Variants in POLA1 observed in about 807,000 individuals in gnomAD.
POLA1 encodes the protein DNA polymerase alpha 1, catalytic subunit, also known as DNA polymerase alpha catalytic subunit.
Under a neutral mutation model 124.0 loss-of-function variants are expected in POLA1, and 15 were observed. The ratio of observed to expected loss-of-function variants is 0.12; its 90% CI spans 0.08 to 0.19. The LOEUF (loss-of-function observed/expected upper bound fraction) is 0.19. Among genes scored for constraint, POLA1 ranks in the 10% least tolerant of loss-of-function variants. The pLI is 1.00. For synonymous variants in POLA1, 408 were observed against 389.4 expected, an observed-to-expected ratio of 1.05 and a Z score of -0.56; for missense variants, 886 against 1,103.4, an observed-to-expected ratio of 0.80 and a Z score of 2.79.
At chrX:24,900,420 A>G (rs2047261842) in intron 35 of POLA1, among the ~76,000 whole-genome samples, 1 of 112,465 alleles carries the variant, frequency 8.9e-6, no homozygotes, top group South Asian at 3.7e-4. Flanking sequence ...AGACCTGGTT[A>G]ATACAAACAT....
rs150416044 is a variant in POLA1 at position 24,833,726 on chromosome X, A to G, written c.3736+7125A>G. Among the ~76,000 whole-genome samples the G allele has an allele frequency of 2.2e-3, 248 of 112,063 alleles. 2 individuals carry two copies. The highest frequency in any genetic ancestry group is 7.8e-3 in the African/African-American group (241 of 30,809). On this transcript the variant is annotated intron_variant, in intron 32 of 36. Transcript: ENST00000379068. ...TAAGACAAGCAATCTTTGGACTATT[A>G]TTTGTGTTATTTTATATTCCAAATA...
At chrX:24,718,629 G>A (rs1930002019) in intron 10 of POLA1, among the ~76,000 whole-genome samples, 1 of 112,170 alleles carries the variant, frequency 8.9e-6, no homozygotes, top group Admixed American at 9.4e-5. Context: ...TACAGGGGGT[G>A]GTGGTCACGT....
chrX:24,738,144 C>T (rs1280003590), intron 19 of POLA1, among the ~76,000 whole-genome samples: 1 of 92,111 alleles, frequency 1.1e-5, no homozygotes, highest in African/African-American at 4.6e-5. Context: ...ACCCGGGAAG[C>T]GGAGCTTGCA....
chrX:24,893,705 T>C (rs1009350197), intron 35 of POLA1, among the ~76,000 whole-genome samples: 9 of 112,717 alleles, frequency 8.0e-5, no homozygotes, highest in Admixed American at 6.6e-4. Context: ...AGTTCATCTG[T>C]GTTGTAGCAT....
chrX:24,938,277 A>G (rs1053419000), intron 36 of POLA1, among the ~76,000 whole-genome samples: 35 of 111,611 alleles, frequency 3.1e-4, no homozygotes, highest in South Asian at 1.9e-3. Context: ...TTAGCCAGGC[A>G]TGGTGGCACG....
At chrX:24,819,035 A>G (rs1365014928) in intron 30 of POLA1, among the ~76,000 whole-genome samples, 1 of 112,062 alleles carries the variant, frequency 8.9e-6, no homozygotes, top group African/African-American at 3.2e-5. Flanking sequence ...TTTCTTCGTA[A>G]TGTGGAATCT....
Position 24,717,390 on chromosome X carries a change from G to A in POLA1, c.807G>A (p.Val269=). The change falls in exon 9 of 37, where the codon GTG becomes GTA. Residue 269 remains valine (V), a synonymous_variant. Coordinates refer to ENST00000379068, the MANE Select transcript of POLA1 (RefSeq NM_001330360.2). ...ATGAGCCCATGGAAGTTGAAGAGGT[G>A]GACCTGGAGCCTATGGCTGCCAAGG... The part of the protein sequence containing the change: ...DFDEPMEVEE[V]DLEPMAAKAW... The A allele has an allele frequency of 8.3e-7, 1 of 1,209,840 alleles. No individual in the cohort carries two copies. Among genetic ancestry groups the A allele is most frequent in the Non-Finnish European group, 1.1e-6 (1 of 893,899 alleles).
rs1245992886 is a variant in POLA1, at chrX:24,693,959, A to G, written c.-3A>G. The G allele has an allele frequency of 8.4e-7, 1 of 1,194,301 alleles. No homozygotes were observed. Among genetic ancestry groups the G allele is most frequent in the South Asian group, 1.8e-5 (1 of 54,557 alleles). On this transcript the variant is annotated 5_prime_UTR_variant, in exon 1 of 37. Coordinates refer to ENST00000379068, the MANE Select transcript of POLA1 (RefSeq NM_001330360.2). ...TTGGCGCGGAATCGGGAGATTCGGG[A>G]CCATGGCACCTGTGCACGGCGACGA...
chrX:24,859,683 G>T (rs1233954055), intron 34 of POLA1, among the ~76,000 whole-genome samples: 1 of 112,440 alleles, frequency 8.9e-6, no homozygotes, highest in African/African-American at 3.2e-5. Flanking sequence ...GTTGTGTTGC[G>T]TTTAGCTTCA....
intron 26 of POLA1, among the ~76,000 whole-genome samples, chrX:24,787,305 CTTT>C (rs778360714): frequency 1.8e-5 from 2 of 111,657 alleles, no homozygotes; most frequent in East Asian, 5.6e-4. Context: ...TGTCAGGGAG[CTTT>C]TTTTCCCTAT....
chrX:24,739,653 G>A, intron 20 of POLA1, 103 bp downstream of exon 20: 2 of 476,498 alleles, frequency 4.2e-6, no homozygotes, highest in Non-Finnish European at 3.5e-6. Flanking sequence ...CAGTGGTGTT[G>A]TAGAGGGGAA....
At position 24,946,371 on chromosome X, in the gene POLA1, CTTGGGGTGCTCATCTT is replaced by C. The variant is rs201588127; in HGVS notation, c.4261+15823_4261+15838del. Reference sequence around the variant, plus strand: ...TGCTCATCTCTTGGGGTGCTCATCTCTTGGGGTGCTCATCTTACCTGGGGTGTCCAGGCAGGAGAAA... The same window carrying C: ...TGCTCATCTCTTGGGGTGCTCATCTCACCTGGGGTGTCCAGGCAGGAGAAA... On this transcript the variant is annotated intron_variant, in intron 36 of 36. Coordinates refer to ENST00000379068, the MANE Select transcript of POLA1 (RefSeq NM_001330360.2). Among the ~76,000 whole-genome samples, 810 of 112,010 alleles carry C rather than the reference CTTGGGGTGCTCATCTT, an allele frequency of 7.2e-3. 3 individuals carry two copies. Among genetic ancestry groups the C allele is most frequent in the African/African-American group, 0.024 (745 of 30,796 alleles).
chrX:24,717,104 C>T (rs1331991090), intron 8 of POLA1, 133 bp downstream of exon 8: 3 of 551,798 alleles, frequency 5.4e-6, no homozygotes, highest in African/African-American at 4.7e-5. Context: ...GATTTGAATT[C>T]ATAAAAATTT....
intron 26 of POLA1, among the ~76,000 whole-genome samples, chrX:24,785,421 T>C (rs1042039353): frequency 2.7e-5 from 3 of 111,676 alleles, no homozygotes; most frequent in African/African-American, 9.8e-5. Flanking sequence ...AAGGACAGAA[T>C]TGGAGCTTTG....
chrX:24,798,407 C>T (rs1336270362), intron 26 of POLA1, among the ~76,000 whole-genome samples: 1 of 111,203 alleles, frequency 9.0e-6, no homozygotes, highest in Non-Finnish European at 1.9e-5. Context: ...CCTCCTCCTC[C>T]TCAGCCCTAC....
chrX:24,901,020 G>T (rs1382590820), intron 35 of POLA1, among the ~76,000 whole-genome samples: 2 of 112,028 alleles, frequency 1.8e-5, no homozygotes, highest in South Asian at 3.7e-4. Flanking sequence ...TCAGAATTTA[G>T]TGAGCACCTA....
intron 26 of POLA1, among the ~76,000 whole-genome samples, chrX:24,756,281 G>C (rs772861263): frequency 5.3e-4 from 59 of 111,537 alleles, no homozygotes; most frequent in African/African-American, 1.9e-3. Flanking sequence ...CAAAGTTTGG[G>C]CCGGGCGCGG....
chrX:24,737,528 A>G (rs1931350232), intron 18 of POLA1, 97 bp from the exon 19 acceptor site: 1 of 508,981 alleles, frequency 2.0e-6, no homozygotes, highest in Non-Finnish European at 3.5e-6. Flanking sequence ...ATTAGAGACT[A>G]GAAAAAGAAA....
chrX:24,757,585 G>C (rs976242499), intron 26 of POLA1, among the ~76,000 whole-genome samples: 1 of 108,067 alleles, frequency 9.3e-6, no homozygotes, highest in East Asian at 2.9e-4. Flanking sequence ...GACTACAGGC[G>C]CCCGCCACCA....
Sources: gnomAD v4.1 joint callset for allele counts (sites outside exome capture counted in the v4.1 genomes callset) on GRCh38, gnomAD v4.1.1 for gene constraint, MANE v1.5 for transcripts, NCBI Gene and HGNC (gene_info 2026-07-23, HGNC 2026-07-21) for gene names.